ENTPD4: variants seen among roughly 807,000 people sequenced by gnomAD.
ENTPD4 encodes the protein Golgi UDPase.
Under a neutral mutation model 79.1 loss-of-function variants are expected in ENTPD4, and 60 were observed. The observed-to-expected ratio is 0.76, with a 90% CI of 0.62 to 0.94. The LOEUF (loss-of-function observed/expected upper bound fraction) is 0.94. Ranked by LOEUF, ENTPD4 falls within the 40% of genes least tolerant of loss-of-function variation. The pLI, the probability that ENTPD4 is intolerant of heterozygous loss-of-function variation, is 0.00. For synonymous variants in ENTPD4, 276 were observed against 292.0 expected (o/e 0.95, Z 0.56); for missense variants, 772 against 775.1 (o/e 1.00, Z 0.05).
intron 6 of ENTPD4, 46 bp from the exon 7 acceptor site, chr8:23,442,112 T>C: frequency 2.8e-6 from 4 of 1,448,372 alleles, no homozygotes; most frequent in Non-Finnish European, 3.9e-6. Context: ...TTTTAAAACA[T>C]TTTGTGTAAC....
At chr8:23,441,774 G>A in intron 7 of ENTPD4, 51 bp from the exon 8 acceptor site, 1 of 1,586,526 alleles carries the variant, frequency 6.3e-7, no homozygotes, top group Non-Finnish European at 8.6e-7. Flanking sequence ...CAGAGAACTG[G>A]GCTCTTCTGA....
chr8:23,452,646 T>C (rs1020668743), intron 1 of ENTPD4, among the ~76,000 whole-genome samples: 5 of 152,308 alleles, frequency 3.3e-5, no homozygotes, highest in Middle Eastern at 3.4e-3. Flanking sequence ...ACAGTACTGA[T>C]CTGGGGCCTA....
chr8:23,432,192 G>C lies in ENTPD4; in HGVS notation c.*734C>G. On this transcript the variant is annotated 3_prime_UTR_variant, in exon 13 of 13. Coordinates refer to ENST00000358689, the MANE Select transcript of ENTPD4 (RefSeq NM_004901.5). ...TAAAAAAAAAAATCACCCTCTTCAG[G>C]TTAGAGCTTTCAAGATAGAGAAAAA... 1 of 984,162 alleles carries C rather than the reference G, an allele frequency of 1.0e-6. No homozygotes were observed. Among genetic ancestry groups the C allele is most frequent in the Non-Finnish European group, 1.2e-6 (1 of 829,560 alleles). 61.0% of individuals were successfully genotyped at this position (984,162 alleles called of 1,614,324 possible).
In ENTPD4 at chr8:23,431,910, C is replaced by T; in HGVS notation, c.*1016G>A. Reference sequence around the variant, plus strand: ...ATTACCTGCGGTCAGGAAAAGATAACAGTAACGAGGATTTTTCTAAATAAA... The same window carrying T: ...ATTACCTGCGGTCAGGAAAAGATAATAGTAACGAGGATTTTTCTAAATAAA... On this transcript the variant is annotated 3_prime_UTR_variant, in exon 13 of 13. Coordinates refer to ENST00000358689, the MANE Select transcript of ENTPD4 (RefSeq NM_004901.5). The T allele has an allele frequency of 7.1e-6, 7 of 985,376 alleles. No homozygotes were observed. Among genetic ancestry groups the T allele is most frequent in the Non-Finnish European group, 8.4e-6 (7 of 829,912 alleles). 61.0% of individuals were successfully genotyped at this position (985,376 alleles called of 1,614,324 possible).
In ENTPD4 at chr8:23,443,940, T is replaced by G; in HGVS notation, c.577A>C (p.Ile193Leu). The G allele has an allele frequency of 6.2e-7, 1 of 1,610,248 alleles. No individual in the cohort carries two copies. The highest frequency in any genetic ancestry group is 1.1e-5 in the South Asian group (1 of 90,858). The change falls in exon 6 of 13, where the codon ATT becomes CTT. Residue 193 changes from isoleucine to leucine, a missense_variant. Coordinates refer to ENST00000358689, the MANE Select transcript of ENTPD4 (RefSeq NM_004901.5). ...ATATCGGTCAGAAGGTCTTCCAGAA[T>G]AGCTTTCTGCTGGCTGTAAAGTAAT... ...RILPESQQKAILEDLLTDIPV... is the reference protein window; with the variant it reads ...RILPESQQKALLEDLLTDIPV...
chr8:23,438,150 G>A (rs2117282360), intron 9 of ENTPD4, among the ~76,000 whole-genome samples: 1 of 152,284 alleles, frequency 6.6e-6, no homozygotes, highest in African/African-American at 2.4e-5. Context: ...TATTGTGTGT[G>A]CATGCCTTCA....
chr8:23,440,095 G>A (rs1008856937), intron 8 of ENTPD4, 180 bp from the exon 9 acceptor site: 2 of 547,714 alleles, frequency 3.7e-6, no homozygotes, highest in African/African-American at 3.8e-5. Flanking sequence ...GGAAATTTCA[G>A]ATGGGCTGCA....
rs1191654498 is a variant in ENTPD4, at chr8:23,435,487, A to G, written c.1375-10T>C. The G allele has an allele frequency of 6.2e-7, 1 of 1,602,368 alleles. No individual in the cohort carries two copies. On this transcript the variant is annotated splice_polypyrimidine_tract_variant and intron_variant, in intron 10 of 12. Transcript: ENST00000358689. ...TTGTTGCACAATAATCCTGAAAACAAATTCACCAAAATAGATCACTAGTAA... is the reference window on the plus strand; with the variant it reads ...TTGTTGCACAATAATCCTGAAAACAGATTCACCAAAATAGATCACTAGTAA...
intron 9 of ENTPD4, 22 bp from the exon 10 acceptor site, chr8:23,437,280 C>G (rs1251911443): frequency 6.5e-7 from 1 of 1,535,354 alleles, no homozygotes. Context: ...CAAGAAACTT[C>G]ATCGTGAGTC....
intron 2 of ENTPD4, among the ~76,000 whole-genome samples, chr8:23,449,508 C>A (rs1800822116): frequency 6.6e-6 from 1 of 152,164 alleles, no homozygotes; most frequent in African/African-American, 2.4e-5. Flanking sequence ...ACAACATCCC[C>A]ATAACAAAGT....
At chr8:23,453,500 G>A (rs980971223) in intron 1 of ENTPD4, among the ~76,000 whole-genome samples, 5 of 152,110 alleles carry the variant, frequency 3.3e-5, no homozygotes, top group Non-Finnish European at 4.4e-5. Flanking sequence ...GAGAAAGACT[G>A]AACAGAAAAA....
intron 1 of ENTPD4, among the ~76,000 whole-genome samples, chr8:23,450,436 C>T (rs928729439): frequency 3.3e-5 from 5 of 152,162 alleles, no homozygotes; most frequent in Admixed American, 2.0e-4. Context: ...GTCAGTTCTC[C>T]GACTCCACCA....
intron 4 of ENTPD4, among the ~76,000 whole-genome samples, chr8:23,447,160 G>T (rs1465908575): frequency 6.6e-6 from 1 of 152,158 alleles, no homozygotes; most frequent in Non-Finnish European, 1.5e-5. Flanking sequence ...ACTTTTACAT[G>T]TCACACTGGC....
chr8:23,445,464 C>T (rs2117295628), intron 4 of ENTPD4, among the ~76,000 whole-genome samples: 1 of 152,322 alleles, frequency 6.6e-6, no homozygotes, highest in East Asian at 1.9e-4. Context: ...CCTTCCATTG[C>T]CTTCAGCTAC....
intron 1 of ENTPD4, among the ~76,000 whole-genome samples, chr8:23,453,169 A>G (rs2117309340): frequency 6.6e-6 from 1 of 152,368 alleles, no homozygotes; most frequent in Admixed American, 6.5e-5. Flanking sequence ...TACCTGACAA[A>G]GGGGAAAAAA....
rs75436760 is a variant in ENTPD4 at position 23,434,843 on chromosome 8, G to A, written c.1461-365C>T. The A allele has an allele frequency of 8.6e-3, 3,612 of 419,162 alleles. 88 individuals carry two copies. Among genetic ancestry groups the A allele is most frequent in the African/African-American group, 0.058 (2,805 of 48,434 alleles). 26.0% of individuals were successfully genotyped at this position (419,162 alleles called of 1,614,324 possible). On this transcript the variant is annotated intron_variant, in intron 11 of 12. Transcript: ENST00000358689. ...AGTTTATTATAAAATGAGATGGTAG[G>A]AAGGTTCTCTTCAGCTCTGATATTC...
At chr8:23,435,013 C>T (rs1399212352) in intron 11 of ENTPD4, among the ~76,000 whole-genome samples, 2 of 152,130 alleles carry the variant, frequency 1.3e-5, no homozygotes, top group African/African-American at 2.4e-5. Context: ...ACAGAAAAAG[C>T]AGAACATGAT....
chr8:23,433,188 A>T, intron 12 of ENTPD4, 34 bp from the exon 13 acceptor site: 1 of 1,596,814 alleles, frequency 6.3e-7, no homozygotes, highest in South Asian at 1.1e-5. Flanking sequence ...CAAACAGGAC[A>T]GTAAGCAAGG....
chr8:23,440,474 T>C (rs542151786), intron 8 of ENTPD4, among the ~76,000 whole-genome samples: 7 of 152,288 alleles, frequency 4.6e-5, no homozygotes, highest in African/African-American at 1.4e-4. Flanking sequence ...GATGAATCCA[T>C]GGGAAATTTT....
Sources: gnomAD v4.1 joint callset for allele counts (sites outside exome capture counted in the v4.1 genomes callset) on GRCh38, gnomAD v4.1.1 for gene constraint, MANE v1.5 for transcripts, NCBI Gene and HGNC (gene_info 2026-07-23, HGNC 2026-07-21) for gene names.